The following ACTN1 variants were observed in gnomAD, a reference collection of about 807,000 sequenced individuals.
ACTN1 encodes the protein actinin alpha 1.
ACTN1 carries 30 observed loss-of-function variants against 119.6 expected under a neutral mutation model. The ratio of observed to expected loss-of-function variants is 0.25; its 90% confidence interval spans 0.19 to 0.34. The LOEUF is 0.34. Ranked by LOEUF, ACTN1 falls within the 10% of genes least tolerant of loss-of-function variation. The pLI is 1.00. For synonymous variants in ACTN1, 429 were observed against 472.6 expected, an observed-to-expected ratio of 0.91 and a Z score of 1.20; for missense variants, 764 against 1,223.4, an observed-to-expected ratio of 0.62 and a Z score of 5.60.
intron 8 of ACTN1, among the ~76,000 whole-genome samples, chr14:68,901,222 T>TG: frequency 1.4e-5 from 2 of 147,514 alleles, no homozygotes; most frequent in Admixed American, 1.4e-4. Context: ...TTTTTGTTTT[T>TG]TTTTTGTTTT....
intron 1 of ACTN1, among the ~76,000 whole-genome samples, chr14:68,928,964 G>A (rs2035069112): frequency 6.6e-6 from 1 of 152,066 alleles, no homozygotes; most frequent in Admixed American, 6.6e-5. Flanking sequence ...GAGAGGGGTG[G>A]AACTGTGGTG....
chr14:68,917,142 T>G (rs2034341865), intron 3 of ACTN1, among the ~76,000 whole-genome samples: 1 of 152,144 alleles, frequency 6.6e-6, no homozygotes, highest in Non-Finnish European at 1.5e-5. Flanking sequence ...CCAGGCCAAT[T>G]CCATGAAGTC....
intron 1 of ACTN1, among the ~76,000 whole-genome samples, chr14:68,958,520 T>TA (rs796668441): frequency 0.018 from 2,653 of 145,368 alleles, 63 homozygotes; most frequent in African/African-American, 0.057. Context: ...CCTTTTCAAT[T>TA]AAAAAAAAAA....
chr14:68,944,905 A>G (rs528331131), intron 1 of ACTN1, among the ~76,000 whole-genome samples: 1 of 143,704 alleles, frequency 7.0e-6, no homozygotes, highest in Non-Finnish European at 1.6e-5. Flanking sequence ...TGTGTGGGTC[A>G]GGTAGCTGTA....
intron 1 of ACTN1, among the ~76,000 whole-genome samples, chr14:68,968,403 T>G (rs2036771956): frequency 1.3e-5 from 2 of 152,184 alleles, no homozygotes; most frequent in South Asian, 4.1e-4. Context: ...AGGTCTACCT[T>G]TACAGCTCCA....
intron 1 of ACTN1, among the ~76,000 whole-genome samples, chr14:68,961,915 G>A (rs917647138): frequency 6.6e-6 from 1 of 152,088 alleles, no homozygotes; most frequent in African/African-American, 2.4e-5. Flanking sequence ...CGACCGACAG[G>A]CATTCACACC....
chr14:68,960,242 A>G (rs1176348529), intron 1 of ACTN1, among the ~76,000 whole-genome samples: 1 of 152,176 alleles, frequency 6.6e-6, no homozygotes, highest in African/African-American at 2.4e-5. Flanking sequence ...TTTATGAAAA[A>G]AAATCTTGTA....
At chr14:68,892,696 C>G (rs1214032205) in intron 9 of ACTN1, among the ~76,000 whole-genome samples, 1 of 152,168 alleles carries the variant, frequency 6.6e-6, no homozygotes, top group African/African-American at 2.4e-5. Context: ...TTCTTGCCAT[C>G]TGACTTCCTA....
intron 1 of ACTN1, among the ~76,000 whole-genome samples, chr14:68,965,154 G>T (rs1413067828): frequency 6.6e-6 from 1 of 152,204 alleles, no homozygotes; most frequent in Non-Finnish European, 1.5e-5. Flanking sequence ...AGCCCCACAA[G>T]GAATGAACTC....
At chr14:68,894,590 T>G (rs185566791) in intron 8 of ACTN1, among the ~76,000 whole-genome samples, 1 of 152,074 alleles carries the variant, frequency 6.6e-6, no homozygotes, top group Non-Finnish European at 1.5e-5. Flanking sequence ...CCACTTCAAA[T>G]AGGTGGTTTT....
At position 68,902,559 on chromosome 14, in the gene ACTN1, ATGTC is replaced by A; in HGVS notation, c.677-1_679del. The A allele has an allele frequency of 6.2e-7, 1 of 1,613,600 alleles. No individual in the cohort carries two copies. Among genetic ancestry groups the A allele is most frequent in the Non-Finnish European group, 8.5e-7 (1 of 1,179,678 alleles). ...CTCATCCGGTCGGGCAGTTCCAACG[ATGTC>A]TGTCAAGAAAAATCTGGAGTTAAAG... On this transcript the variant is annotated splice_acceptor_variant and coding_sequence_variant, in exon 8 of 22. Transcript: ENST00000394419. LOFTEE classifies it high-confidence loss of function.
intron 1 of ACTN1, among the ~76,000 whole-genome samples, chr14:68,937,372 T>C (rs1016118997): frequency 6.6e-6 from 1 of 152,082 alleles, no homozygotes; most frequent in African/African-American, 2.4e-5. Context: ...TCAGGTATTA[T>C]GGAGGAGGAA....
chr14:68,953,555 A>G (rs905528133), intron 1 of ACTN1, among the ~76,000 whole-genome samples: 8 of 152,122 alleles, frequency 5.3e-5, no homozygotes, highest in Non-Finnish European at 1.2e-4. Context: ...GGGTCATTCA[A>G]TCTCACCCAG....
intron 8 of ACTN1, among the ~76,000 whole-genome samples, chr14:68,898,612 C>T (rs987121834): frequency 2.6e-5 from 4 of 152,052 alleles, no homozygotes; most frequent in African/African-American, 9.7e-5. Context: ...TCTCCTCCAT[C>T]AGCCCCACCA....
At chr14:68,903,785 C>G (rs2033495810) in intron 7 of ACTN1, among the ~76,000 whole-genome samples, 1 of 152,128 alleles carries the variant, frequency 6.6e-6, no homozygotes, top group South Asian at 2.1e-4. Context: ...CCACAGACCC[C>G]TATGCTCCCA....
chr14:68,932,966 T>C (rs2035295611), intron 1 of ACTN1, among the ~76,000 whole-genome samples: 1 of 152,132 alleles, frequency 6.6e-6, no homozygotes, highest in South Asian at 2.1e-4. Context: ...ATTGACCATT[T>C]GCTACACGCC....
rs570832904 is a variant in ACTN1, at chr14:68,914,750, G to A, written c.341-2508C>T. On this transcript the variant is annotated intron_variant, in intron 3 of 21. Coordinates refer to ENST00000394419, the MANE Select transcript of ACTN1 (RefSeq NM_001130004.2). ...ATCACCGCTGCACTCCAACCTAAGCGACAAGTTGAGACCCTGTCTCTTAAA... is the reference window on the plus strand; with the variant it reads ...ATCACCGCTGCACTCCAACCTAAGCAACAAGTTGAGACCCTGTCTCTTAAA... 2.0e-4 allele frequency among the ~76,000 whole-genome samples: 30 copies of A among 152,218 alleles called. No homozygotes were observed. In the South Asian group the frequency reaches 5.6e-3, roughly 28 times the overall value.
chr14:68,889,065 G>C (rs1364707221), intron 11 of ACTN1, among the ~76,000 whole-genome samples: 1 of 152,200 alleles, frequency 6.6e-6, no homozygotes, highest in East Asian at 1.9e-4. Flanking sequence ...CGGCCAATAG[G>C]TCTGTCCCAC....
chr14:68,936,771 T>G, intron 1 of ACTN1: 1 of 614,202 alleles, frequency 1.6e-6, no homozygotes, highest in Non-Finnish European at 3.2e-6. Flanking sequence ...TGAAGACCTC[T>G]TCCAGGAATG....
Sources: gnomAD v4.1 joint callset for allele counts (sites outside exome capture counted in the v4.1 genomes callset) on GRCh38, gnomAD v4.1.1 for gene constraint, MANE v1.5 for transcripts, NCBI Gene and HGNC (gene_info 2026-07-23, HGNC 2026-07-21) for gene names.